Variants in ESR1 observed in about 807,000 individuals in gnomAD.
ESR1 encodes estrogen receptor.
ESR1 carries 12 observed loss-of-function variants against 52.7 expected under a neutral mutation model. That is an observed-to-expected ratio of 0.23 (90% CI 0.15 to 0.37). The LOEUF (loss-of-function observed/expected upper bound fraction) is 0.37, where lower values mean the gene tolerates loss of function less well. Ranked by LOEUF, ESR1 falls within the 10% of genes least tolerant of loss-of-function variation. ESR1 has a pLI of 1.00. For missense variants in ESR1, 584 were observed against 779.7 expected, an observed-to-expected ratio of 0.75 and a Z score of 2.99; for synonymous variants, 305 against 316.8, an observed-to-expected ratio of 0.96 and a Z score of 0.39.
At position 152,031,312 on chromosome 6, in the gene ESR1, G is replaced by A. The variant is rs1422273671; in HGVS notation, c.1235+19518G>A. Among the ~76,000 whole-genome samples the A allele has an allele frequency of 3.9e-5, 6 of 152,010 alleles. No individual in the cohort carries two copies. The East Asian group carries it at 7.7e-4, about 20-fold the overall frequency. ...TCAGAGCAGAACTGAAGGAGATAGAGACACAAAAAACCCTTCAAAAAATCA... is the reference window on the plus strand; with the variant it reads ...TCAGAGCAGAACTGAAGGAGATAGAAACACAAAAAACCCTTCAAAAAATCA... On this transcript the variant is annotated intron_variant, in intron 5 of 7. Coordinates refer to ENST00000206249, the MANE Select transcript of ESR1 (RefSeq NM_000125.4).
intron 1 of ESR1, among the ~76,000 whole-genome samples, chr6:151,815,285 G>A (rs1411600562): frequency 6.6e-6 from 1 of 152,166 alleles, no homozygotes; most frequent in African/African-American, 2.4e-5. Flanking sequence ...TAGTTACATT[G>A]AGAAGCTATT....
At chr6:151,817,119 C>A (rs1226892302) in intron 1 of ESR1, among the ~76,000 whole-genome samples, 2 of 152,110 alleles carry the variant, frequency 1.3e-5, no homozygotes, top group Non-Finnish European at 2.9e-5. Context: ...ACTTAGGGAG[C>A]ATCTACAAGG....
chr6:151,725,615 A>G (rs1315004465), intron 2 of ESR1, among the ~76,000 whole-genome samples: 1 of 152,242 alleles, frequency 6.6e-6, no homozygotes, highest in Non-Finnish European at 1.5e-5. Flanking sequence ...GGACTATTGC[A>G]TCTACTTGGC....
At chr6:152,031,574 C>A (rs2044709535) in intron 5 of ESR1, among the ~76,000 whole-genome samples, 1 of 152,134 alleles carries the variant, frequency 6.6e-6, no homozygotes, top group African/African-American at 2.4e-5. Context: ...ATACACCCTC[C>A]CAAGACTAAA....
chr6:152,103,533 C>T (rs1437568434), downstream of ESR1, among the ~76,000 whole-genome samples: 4 of 152,188 alleles, frequency 2.6e-5, no homozygotes, highest in Non-Finnish European at 4.4e-5. Flanking sequence ...TTCAGAGTTT[C>T]GGCTTCCTTA....
chr6:151,709,185 A>G (rs956662816), intron 2 of ESR1, among the ~76,000 whole-genome samples: 4 of 151,972 alleles, frequency 2.6e-5, no homozygotes, highest in Admixed American at 6.6e-5. Flanking sequence ...CTCTATGTCT[A>G]TGAGATCAAC....
chr6:151,795,993 C>A (rs1776663922), intron 2 of ESR1, among the ~76,000 whole-genome samples: 6 of 145,820 alleles, frequency 4.1e-5, no homozygotes, highest in African/African-American at 2.5e-5. Context: ...CTAAAAATAC[C>A]AAAAAAAAAA....
intron 6 of ESR1, among the ~76,000 whole-genome samples, chr6:152,070,469 A>G (rs537964390): frequency 7.2e-6 from 1 of 138,582 alleles, no homozygotes; most frequent in East Asian, 2.3e-4. Flanking sequence ...CCTGTAAGAC[A>G]TACTATGAAT....
rs764974416 is a variant in ESR1, at chr6:151,842,592, C to T, written c.453-5C>T. On this transcript the variant is annotated splice_polypyrimidine_tract_variant and splice_region_variant and intron_variant, in intron 1 of 7. Coordinates refer to ENST00000206249, the MANE Select transcript of ESR1 (RefSeq NM_000125.4). ...TTAATGGATTTACTGTTTTTTTCCCCCCAGGCCAAATTCAGATAATCGACG... is the reference window on the plus strand; with the variant it reads ...TTAATGGATTTACTGTTTTTTTCCCTCCAGGCCAAATTCAGATAATCGACG... 1.2e-6 allele frequency: 2 copies of T among 1,612,504 alleles called. No individual in the cohort carries two copies. Among genetic ancestry groups the T allele is most frequent in the African/African-American group, 1.3e-5 (1 of 74,984 alleles).
At chr6:151,686,312 T>G (rs1778672470), upstream of ESR1, among the ~76,000 whole-genome samples, 1 of 152,154 alleles carries the variant, frequency 6.6e-6, no homozygotes, top group Non-Finnish European at 1.5e-5. Context: ...ATGGGTCATA[T>G]TATGGCTCCG....
chr6:151,759,722 T>C (rs544679169), intron 2 of ESR1, among the ~76,000 whole-genome samples: 2 of 152,318 alleles, frequency 1.3e-5, no homozygotes, highest in Admixed American at 1.3e-4. Flanking sequence ...TAAAATGACA[T>C]GGCACTATGG....
chr6:151,754,292 G>A lies in ESR1; in HGVS notation c.-71+52287G>A, dbSNP rs866266897. Among the ~76,000 whole-genome samples the A allele has an allele frequency of 1.0e-4, 15 of 150,516 alleles. 1 individual carries two copies. The highest frequency in any genetic ancestry group is 1.9e-4 in the East Asian group (1 of 5,162). On this transcript the variant is annotated intron_variant, in intron 2 of 2. Transcript: ENST00000404742. The stretch of plus-strand genomic sequence containing the variant: ...AAGTGTCTATTATTATAAGTTTGTT[G>A]CTGGAGAGAACATAAAAATCTCTAT...
chr6:152,122,531 T>A (rs146389405), intron 6 of ESR1: 2 of 1,614,046 alleles, frequency 1.2e-6, no homozygotes, highest in African/African-American at 2.7e-5. Flanking sequence ...TCCTCTGACA[T>A]TGGTACAAGG....
At chr6:151,793,769 G>A (rs1240158007) in intron 2 of ESR1, among the ~76,000 whole-genome samples, 1 of 152,176 alleles carries the variant, frequency 6.6e-6, no homozygotes, top group Non-Finnish European at 1.5e-5. Context: ...CAGGCAGTGT[G>A]CTAGGGGCTG....
At chr6:152,044,031 C>T (rs2046023117) in intron 5 of ESR1, among the ~76,000 whole-genome samples, 2 of 152,232 alleles carry the variant, frequency 1.3e-5, no homozygotes, top group Admixed American at 6.5e-5. Context: ...GAGATAGAAT[C>T]CCTGAGTTCA....
rs75266524 is a variant in ESR1 at position 151,890,716 on chromosome 6, A to C, written c.760+9945A>C. 3.4e-4 allele frequency among the ~76,000 whole-genome samples: 52 copies of C among 152,160 alleles called. No individual in the cohort carries two copies. In the East Asian group the frequency reaches 7.5e-3, roughly 22 times the overall value. ...CCTGTTATATCCTCTTAATGAATTG[A>C]CCCTCTTGTCATTATTTAATGGCCT... On this transcript the variant is annotated intron_variant, in intron 3 of 7. Transcript: ENST00000206249.
At chr6:151,848,633 G>C (rs1354059628) in intron 2 of ESR1, among the ~76,000 whole-genome samples, 2 of 152,126 alleles carry the variant, frequency 1.3e-5, no homozygotes, top group African/African-American at 4.8e-5. Context: ...TCTGGAAAAG[G>C]TTAGAGAATG....
At chr6:151,806,487 T>C (rs1306304942), upstream of ESR1, among the ~76,000 whole-genome samples, 2 of 145,400 alleles carry the variant, frequency 1.4e-5, no homozygotes, top group African/African-American at 5.0e-5. Flanking sequence ...TCCAAGATTA[T>C]AGACGCATGA....
intron 1 of ESR1, among the ~76,000 whole-genome samples, chr6:151,690,968 CAT>C (rs1778895978): frequency 6.6e-6 from 1 of 152,172 alleles, no homozygotes; most frequent in African/African-American, 2.4e-5. Context: ...TTCCAGATAA[CAT>C]AAATGTATTG....
Sources: allele counts gnomAD v4.1 joint callset (sites outside exome capture counted in the v4.1 genomes callset), GRCh38; gene constraint gnomAD v4.1.1; transcripts MANE v1.5; gene names NCBI Gene and HGNC (gene_info 2026-07-23, HGNC 2026-07-21).